Variants in GCG observed in about 807,000 individuals in gnomAD.
The protein encoded by GCG is pro-glucagon.
A neutral mutation model predicts 22.8 loss-of-function variants in GCG; 11 were observed. The observed-to-expected ratio is 0.48, with a 90% CI of 0.30 to 0.80. The LOEUF (loss-of-function observed/expected upper bound fraction) is 0.80, where lower values mean the gene tolerates loss of function less well. GCG is among the 30% of genes least tolerant of loss of function. GCG has a pLI of 0.06. For synonymous variants in GCG, 89 were observed against 72.4 expected (o/e 1.23, Z -1.16); for missense variants, 222 against 222.0 (o/e 1.00, Z 0.00).
chr2:162,145,790 GT>G, intron 3 of GCG, 113 bp from the exon 4 acceptor site: 1 of 732,742 alleles, frequency 1.4e-6, no homozygotes, highest in Non-Finnish European at 2.2e-6. Context: ...GGCTTAGGGA[GT>G]TTAGGAGATG....
intron 2 of GCG, 138 bp downstream of exon 2, chr2:162,148,949 C>A: frequency 1.7e-6 from 1 of 586,810 alleles, no homozygotes; most frequent in Non-Finnish European, 3.0e-6. Context: ...CTGCTTTTAT[C>A]ACAAGGATAC....
intron 4 of GCG, 68 bp from the exon 5 acceptor site, chr2:162,144,238 C>A: frequency 8.3e-7 from 1 of 1,205,410 alleles, no homozygotes; most frequent in Non-Finnish European, 1.2e-6. Flanking sequence ...AGATTGTCTA[C>A]CACTGGTAAC....
In GCG at chr2:162,143,366, A is replaced by C; in HGVS notation, c.541T>G (p.Ter181GluextTer20). 8.3e-7 allele frequency: 1 copy of C among 1,200,376 alleles called. No homozygotes were observed. Among genetic ancestry groups the C allele is most frequent in the African/African-American group, 1.5e-5 (1 of 65,780 alleles). 74.4% of individuals were successfully genotyped at this position (1,200,376 alleles called of 1,614,324 possible). ...LIQTKITDRK* is the reference protein window; with the variant it reads ...LIQTKITDRKE ...GATGATCTTGAATAGTGATATAGTT[A>C]TTTCCTAGAGATTAAAAAAAGAAAA... The change falls in exon 6 of 6, where the codon TAA becomes GAA. Residue 181 changes from the stop codon to glutamate, a stop_lost. Coordinates refer to ENST00000418842, the MANE Select transcript of GCG (RefSeq NM_002054.5).
chr2:162,144,261 C>T (rs1686626021), intron 4 of GCG, 91 bp from the exon 5 acceptor site: 1 of 992,984 alleles, frequency 1.0e-6, no homozygotes, highest in Non-Finnish European at 1.6e-6. Flanking sequence ...GCACAAGTGT[C>T]TTGAGGAAAC....
chr2:162,148,308 A>G (rs1302433842), intron 2 of GCG, among the ~76,000 whole-genome samples: 1 of 152,148 alleles, frequency 6.6e-6, no homozygotes, highest in Non-Finnish European at 1.5e-5. Context: ...CTAGAAACCT[A>G]TGTGCAAAAA....
chr2:162,151,049 T>A (rs181104553), intron 1 of GCG, among the ~76,000 whole-genome samples: 2 of 152,230 alleles, frequency 1.3e-5, no homozygotes, highest in Admixed American at 6.5e-5. Context: ...TTGAATACAA[T>A]TGCTGAGAAA....
chr2:162,143,536 A>T (rs1051090634), intron 5 of GCG, among the ~76,000 whole-genome samples, 166 bp from the exon 6 acceptor site: 2 of 152,168 alleles, frequency 1.3e-5, no homozygotes, highest in African/African-American at 4.8e-5. Flanking sequence ...TCATTTAAAG[A>T]TTATTTATCC....
intron 1 of GCG, among the ~76,000 whole-genome samples, chr2:162,150,895 C>T (rs1012346448): frequency 6.6e-5 from 10 of 151,916 alleles, no homozygotes; most frequent in African/African-American, 2.4e-4. Context: ...CCATAAACCA[C>T]ATAAAGAAGT....
intron 3 of GCG, among the ~76,000 whole-genome samples, 185 bp downstream of exon 3, chr2:162,147,168 G>T (rs758654230): frequency 6.6e-6 from 1 of 152,072 alleles, no homozygotes; most frequent in Non-Finnish European, 1.5e-5. Context: ...TGGTTTAGAG[G>T]GGTGCGGGTT....
chr2:162,143,922 A>C, intron 5 of GCG, 105 bp downstream of exon 5: 1 of 860,088 alleles, frequency 1.2e-6, no homozygotes, highest in Non-Finnish European at 1.9e-6. Flanking sequence ...CTATATAATA[A>C]GAGATTATAG....
At chr2:162,151,297 G>A (rs1025267848) in intron 1 of GCG, among the ~76,000 whole-genome samples, 2 of 152,104 alleles carry the variant, frequency 1.3e-5, no homozygotes, top group African/African-American at 4.8e-5. Flanking sequence ...TGTTGGCATT[G>A]TAGTCCATAT....
In GCG at chr2:162,147,476, G is replaced by A; in HGVS notation, c.131C>T (p.Pro44Leu). The change falls in exon 3 of 6, where the codon CCT (proline) becomes CTT (leucine). Residue 44 changes from proline (P) to leucine (L), a missense_variant. Coordinates refer to ENST00000418842, the MANE Select transcript of GCG (RefSeq NM_002054.5). Reference sequence around the variant, plus strand: ...GCGCTTGTCCTCGTTCATCTGATCAGGATCACTGAGTGGGTCTGCCTGGGA... The same window carrying A: ...GCGCTTGTCCTCGTTCATCTGATCAAGATCACTGAGTGGGTCTGCCTGGGA... ...SASQADPLSD[P>L]DQMNEDKRHS... is the part of the protein sequence containing the mutation. The A allele has an allele frequency of 1.2e-6, 2 of 1,613,198 alleles. No homozygotes were observed. The highest frequency in any genetic ancestry group is 1.7e-6 in the Non-Finnish European group (2 of 1,179,372).
intron 2 of GCG, among the ~76,000 whole-genome samples, 192 bp downstream of exon 2, chr2:162,148,895 T>G (rs1346932671): frequency 2.0e-5 from 3 of 152,108 alleles, no homozygotes; most frequent in Non-Finnish European, 2.9e-5. Flanking sequence ...TCTCTCCCCT[T>G]TTATTATAAA....
intron 1 of GCG, among the ~76,000 whole-genome samples, chr2:162,149,907 G>A: frequency 6.6e-6 from 1 of 152,000 alleles, no homozygotes; most frequent in Non-Finnish European, 1.5e-5. Context: ...AGATTACTAT[G>A]TAAAAAAAAA....
intron 3 of GCG, 138 bp from the exon 4 acceptor site, chr2:162,145,815 G>A: frequency 1.6e-6 from 1 of 620,480 alleles, no homozygotes; most frequent in Non-Finnish European, 2.7e-6. Context: ...GTTGCTAGGG[G>A]ATTTGTCGTG....
At chr2:162,147,568 C>T in intron 2 of GCG, 54 bp from the exon 3 acceptor site, 1 of 1,501,914 alleles carries the variant, frequency 6.7e-7, no homozygotes, top group South Asian at 1.1e-5. Context: ...AGTAGACTCA[C>T]TTGAGAAGCA....
rs963492250 is a variant in GCG at position 162,143,308 on chromosome 2, A to T, written c.*56T>A. ...AAATTTACAGGACTTAACATTTCAA[A>T]CATCCCACGTGGCTAGCAGGTGATG... On this transcript the variant is annotated 3_prime_UTR_variant, in exon 6 of 6. Coordinates refer to ENST00000418842, the MANE Select transcript of GCG (RefSeq NM_002054.5). The T allele has an allele frequency of 6.1e-6, 6 of 976,786 alleles. No individual in the cohort carries two copies. In the African/African-American group the frequency reaches 6.6e-5, roughly 11 times the overall value. The allele number at this position is 976,786 out of a possible 1,614,324, so 60.5% of individuals were successfully genotyped here.
At chr2:162,147,702 A>G (rs1193781512) in intron 2 of GCG, 188 bp from the exon 3 acceptor site, 3 of 688,304 alleles carry the variant, frequency 4.4e-6, no homozygotes, top group Non-Finnish European at 7.9e-6. Flanking sequence ...GTATAGTTGC[A>G]TACGCTATTA....
chr2:162,151,037 G>T (rs1474071976), intron 1 of GCG, among the ~76,000 whole-genome samples: 2 of 151,834 alleles, frequency 1.3e-5, no homozygotes, highest in Admixed American at 1.3e-4. Flanking sequence ...AGAGTTAATT[G>T]TTTGAATACA....
Sources: allele counts gnomAD v4.1 joint callset (sites outside exome capture counted in the v4.1 genomes callset), GRCh38; gene constraint gnomAD v4.1.1; transcripts MANE v1.5; gene names NCBI Gene and HGNC (gene_info 2026-07-23, HGNC 2026-07-21).